The following CGGBP1 variants were observed in gnomAD, a reference collection of about 807,000 sequenced individuals.
CGGBP1 encodes the protein CGG triplet repeat binding protein 1.
A neutral mutation model predicts 11.4 loss-of-function variants in CGGBP1; 4 were observed. The observed-to-expected ratio is 0.35, with a 90% CI of 0.17 to 0.80. The LOEUF is 0.80. Ranked by LOEUF, CGGBP1 falls within the 30% of genes least tolerant of loss-of-function variation. The pLI is 0.52. For synonymous variants in CGGBP1, 76 were observed against 74.1 expected (o/e 1.03, Z -0.13); for missense variants, 135 against 202.1 (o/e 0.67, Z 2.01).
chr3:88,090,624 T>C (rs1012179460), intron 2 of CGGBP1, among the ~76,000 whole-genome samples: 2 of 152,318 alleles, frequency 1.3e-5, no homozygotes, highest in Non-Finnish European at 2.9e-5. Flanking sequence ...TATTTCTACA[T>C]GAGTGTGTAG....
chr3:88,070,697 C>T (rs564300911), intron 2 of CGGBP1, among the ~76,000 whole-genome samples: 6 of 151,310 alleles, frequency 4.0e-5, no homozygotes, highest in Admixed American at 2.6e-4. Flanking sequence ...GGCCCATAAG[C>T]TACTTTTTGG....
chr3:88,098,599 T>C (rs1452976124), intron 2 of CGGBP1, among the ~76,000 whole-genome samples: 1 of 152,116 alleles, frequency 6.6e-6, no homozygotes, highest in Non-Finnish European at 1.5e-5. Flanking sequence ...ACTGGCAAAC[T>C]GAATCCAGCA....
chr3:88,107,866 T>A (rs1266116623), intron 2 of CGGBP1, among the ~76,000 whole-genome samples: 2 of 152,170 alleles, frequency 1.3e-5, no homozygotes, highest in Admixed American at 1.3e-4. Context: ...TTTCTTAAAC[T>A]ATATAATACC....
intron 2 of CGGBP1, among the ~76,000 whole-genome samples, chr3:88,138,513 T>C (rs1159926628): frequency 6.6e-6 from 1 of 152,144 alleles, no homozygotes; most frequent in East Asian, 1.9e-4. Context: ...TCCAGATTAT[T>C]TTCAAGTTTA....
At chr3:88,089,713 C>A (rs1416942806) in intron 2 of CGGBP1, among the ~76,000 whole-genome samples, 4 of 152,114 alleles carry the variant, frequency 2.6e-5, no homozygotes, top group African/African-American at 4.8e-5. Flanking sequence ...GAGGAAGAAA[C>A]CCCTTCTGCC....
intron 2 of CGGBP1, chr3:88,086,344 A>G: frequency 6.5e-7 from 1 of 1,535,528 alleles, no homozygotes; most frequent in South Asian, 1.2e-5. Flanking sequence ...TACAACAGCC[A>G]GTGCATCATT....
At chr3:88,116,435 G>A (rs1210716502) in intron 2 of CGGBP1, among the ~76,000 whole-genome samples, 2 of 151,798 alleles carry the variant, frequency 1.3e-5, no homozygotes, top group East Asian at 1.9e-4. Context: ...CAGGAGAATC[G>A]CTTGAACCTG....
chr3:88,064,500 T>C (rs1707085541), intron 2 of CGGBP1, among the ~76,000 whole-genome samples: 1 of 152,170 alleles, frequency 6.6e-6, no homozygotes, highest in Non-Finnish European at 1.5e-5. Context: ...TTTGAACTGA[T>C]CTTTTTGTTT....
intron 2 of CGGBP1, among the ~76,000 whole-genome samples, chr3:88,090,036 G>T (rs901467232): frequency 6.6e-6 from 1 of 152,042 alleles, no homozygotes; most frequent in African/African-American, 2.4e-5. Flanking sequence ...TTAGATAAAA[G>T]TATAGCATAT....
chr3:88,129,761 A>T (rs1395882995), intron 2 of CGGBP1: 13 of 1,528,990 alleles, frequency 8.5e-6, no homozygotes, highest in African/African-American at 1.4e-5. Flanking sequence ...AAACTATGTT[A>T]GCCTTGCAAC....
At chr3:88,074,711 C>A (rs1265805577) in intron 2 of CGGBP1, among the ~76,000 whole-genome samples, 2 of 152,106 alleles carry the variant, frequency 1.3e-5, no homozygotes, top group East Asian at 3.9e-4. Context: ...AACCCAATAC[C>A]CATTAAATTT....
rs532370807 is a variant in CGGBP1 at position 88,078,335 on chromosome 3, A to AT, written c.-228-20113dup. The stretch of plus-strand genomic sequence containing the variant: ...TTTGGAACTTCTAACAAGGTGAATG[A>AT]TTTTCAAATTGGTAACTAAATGTGG... On this transcript the variant is annotated intron_variant, in intron 2 of 3. Transcript: ENST00000462901. 3.8e-3 allele frequency among the ~76,000 whole-genome samples: 580 copies of AT among 152,312 alleles called. 15 individuals carry two copies. The highest frequency in any genetic ancestry group is 7.1e-4 in the Non-Finnish European group (48 of 68,006).
upstream of CGGBP1, chr3:88,059,487 C>A: frequency 6.7e-7 from 1 of 1,499,730 alleles, no homozygotes; most frequent in Admixed American, 2.3e-5. Flanking sequence ...GTCGGGATTA[C>A]TGCCGACGCT....
chr3:88,083,941 T>TTATATATATATATATATATATATATA lies in CGGBP1; in HGVS notation c.-228-25744_-228-25719dup, dbSNP rs78670676. Among the ~76,000 whole-genome samples the TTATATATATATATATATATATATATA allele has an allele frequency of 1.2e-3, 180 of 147,736 alleles. 1 individual carries two copies. The highest frequency in any genetic ancestry group is 2.1e-3 in the Non-Finnish European group (141 of 66,586). On this transcript the variant is annotated intron_variant, in intron 2 of 3. Coordinates refer to the CGGBP1 transcript ENST00000462901. ...AATAGGACAATGTAATGTACTTATT[T>TTATATATATATATATATATATATATA]TATATATATATATATATATATATAT...
At position 88,053,143 on chromosome 3, in the gene CGGBP1, C is replaced by T. The variant is rs11128020; in HGVS notation, c.*2330G>A. Reference sequence around the variant, plus strand: ...CACTACACCTCCAAAGCAGCATATGCCTCTTAGACATCCTCATTTGTTATC... The same window carrying T: ...CACTACACCTCCAAAGCAGCATATGTCTCTTAGACATCCTCATTTGTTATC... On this transcript the variant is annotated 3_prime_UTR_variant, in exon 4 of 4. Coordinates refer to ENST00000482016, the MANE Select transcript of CGGBP1 (RefSeq NM_001008390.2). 1.3e-5 allele frequency: 2 copies of T among 152,308 alleles called. No homozygotes were observed. The highest frequency in any genetic ancestry group is 2.4e-5 in the African/African-American group (1 of 41,438). 9.4% of individuals were successfully genotyped at this position (152,308 alleles called of 1,614,324 possible). A position where few individuals can be genotyped will look rare whatever the true frequency, so the allele number is the denominator to read the frequency against.
intron 2 of CGGBP1, among the ~76,000 whole-genome samples, chr3:88,103,201 T>G (rs557070414): frequency 3.3e-5 from 5 of 152,172 alleles, no homozygotes; most frequent in South Asian, 4.1e-4. Flanking sequence ...TATTAAGAGA[T>G]AAAGCAATCA....
At chr3:88,095,491 TC>T in intron 2 of CGGBP1, 1 of 435,734 alleles carries the variant, frequency 2.3e-6, no homozygotes, top group Non-Finnish European at 4.5e-6. Context: ...TAAAATGCTG[TC>T]ATAATTTGTA....
chr3:88,097,306 T>G (rs1704121458), intron 2 of CGGBP1, among the ~76,000 whole-genome samples: 1 of 152,122 alleles, frequency 6.6e-6, no homozygotes, highest in East Asian at 1.9e-4. Context: ...TTGAACCAAT[T>G]TACATTCTTG....
At chr3:88,115,299 A>G (rs1172503114) in intron 2 of CGGBP1, among the ~76,000 whole-genome samples, 1 of 152,190 alleles carries the variant, frequency 6.6e-6, no homozygotes, top group Non-Finnish European at 1.5e-5. Flanking sequence ...CTGTATTTCA[A>G]CTGTGAGTTT....
Sources: gnomAD v4.1 joint callset for allele counts (sites outside exome capture counted in the v4.1 genomes callset) on GRCh38, gnomAD v4.1.1 for gene constraint, MANE v1.5 for transcripts, NCBI Gene and HGNC (gene_info 2026-07-23, HGNC 2026-07-21) for gene names.